The following USP24 variants were observed in gnomAD, a reference collection of about 807,000 sequenced individuals.
USP24 encodes ubiquitin specific peptidase 24.
In USP24, 97 loss-of-function variants were observed where a neutral mutation model predicts 361.6. The ratio of observed to expected loss-of-function variants is 0.27; its 90% CI spans 0.23 to 0.32. The LOEUF (loss-of-function observed/expected upper bound fraction) is 0.32. Ranked by LOEUF, USP24 falls within the 10% of genes least tolerant of loss-of-function variation. USP24 has a pLI of 1.00. For missense variants in USP24, 2,353 were observed against 3,165.6 expected (o/e 0.74, Z 6.16); for synonymous variants, 1,098 against 1,124.6 (o/e 0.98, Z 0.47).
chr1:55,130,599 C>T (rs1455070848), intron 31 of USP24, among the ~76,000 whole-genome samples: 1 of 152,176 alleles, frequency 6.6e-6, no homozygotes, highest in Non-Finnish European at 1.5e-5. Flanking sequence ...TCCTAGGTTG[C>T]TCTGGAGAAA....
chr1:55,178,963 A>G (rs915488294), intron 1 of USP24, among the ~76,000 whole-genome samples: 1 of 152,158 alleles, frequency 6.6e-6, no homozygotes, highest in Non-Finnish European at 1.5e-5. Context: ...TCCTGTCTTC[A>G]CATTTCTTTT....
chr1:55,097,810 C>T, intron 47 of USP24, 93 bp from the exon 48 acceptor site: 1 of 1,501,264 alleles, frequency 6.7e-7, no homozygotes, highest in Admixed American at 2.5e-5. Context: ...CCTTTCTGAT[C>T]CATGTGAAAA....
intron 1 of USP24, among the ~76,000 whole-genome samples, chr1:55,196,214 A>G (rs1644413117): frequency 6.6e-6 from 1 of 152,050 alleles, no homozygotes; most frequent in African/African-American, 2.4e-5. Context: ...GCCACTCCTC[A>G]GTCTCCTTTG....
intron 8 of USP24, among the ~76,000 whole-genome samples, chr1:55,161,832 G>C (rs1288325570): frequency 5.9e-5 from 9 of 152,166 alleles, no homozygotes; most frequent in Non-Finnish European, 1.3e-4. Flanking sequence ...AGTGAGCCTA[G>C]CCGATTTAAT....
At position 55,071,829 on chromosome 1, in the gene USP24, G is replaced by A. The variant is rs368646161; in HGVS notation, c.7785C>T (p.Asp2595=). 2.5e-6 allele frequency: 4 copies of A among 1,612,870 alleles called. No individual in the cohort carries two copies. The East Asian group carries it at 8.9e-5, about 36-fold the overall frequency. ...ACCGTTATACCTGCTGTAGATGCCTGTCTCCGTTCTCATTGGCAGGACTAC... is the reference window on the plus strand; with the variant it reads ...ACCGTTATACCTGCTGTAGATGCCTATCTCCGTTCTCATTGGCAGGACTAC... The part of the protein sequence containing the change: ...SESSPANENG[D]RHLQQGSESP... The change falls in exon 67 of 68, where the codon GAC becomes GAT. Residue 2595 remains aspartate, a synonymous_variant. Transcript: ENST00000294383.
At chr1:55,212,489 G>C (rs1375803043) in intron 1 of USP24, among the ~76,000 whole-genome samples, 3 of 152,138 alleles carry the variant, frequency 2.0e-5, no homozygotes, top group Non-Finnish European at 2.9e-5. Flanking sequence ...TAAATAAACT[G>C]TATAACGCAC....
rs1360288112 is a variant in USP24, at chr1:55,100,917, C to T, written c.5193G>A (p.Val1731=). Reference sequence around the variant, plus strand: ...CAAAGAGAGACTGCACTTGGTAAAACACGCTATCATCTGGATTGTCTGTGT... The same window carrying T: ...CAAAGAGAGACTGCACTTGGTAAAATACGCTATCATCTGGATTGTCTGTGT... ...DDDTDNPDDS[V]FYQVQSLFGH... The change falls in exon 44 of 68, where the codon GTG becomes GTA. Residue 1731 remains valine (V), a synonymous_variant. Transcript: ENST00000294383. 1.2e-6 allele frequency: 2 copies of T among 1,613,532 alleles called. No individual in the cohort carries two copies. Among genetic ancestry groups the T allele is most frequent in the African/African-American group, 1.3e-5 (1 of 74,914 alleles).
In USP24 at chr1:55,169,558, A is replaced by T. The variant is rs537987105; in HGVS notation, c.825+1998T>A. Among the ~76,000 whole-genome samples the T allele has an allele frequency of 3.7e-4, 57 of 152,298 alleles. 1 individual carries two copies. The highest frequency in any genetic ancestry group is 1.3e-3 in the African/African-American group (55 of 41,580). On this transcript the variant is annotated intron_variant, in intron 5 of 67. Coordinates refer to ENST00000294383, the MANE Select transcript of USP24 (RefSeq NM_015306.3). The stretch of plus-strand genomic sequence containing the variant: ...TACAAACATTAAAGAGAAAGAAAAG[A>T]TTTCAAAATACAGCCATGGAGGAGA...
intron 30 of USP24, 91 bp from the exon 31 acceptor site, chr1:55,132,791 C>G (rs1356071309): frequency 1.2e-5 from 15 of 1,298,216 alleles, no homozygotes; most frequent in Non-Finnish European, 1.3e-5. Flanking sequence ...TATTCTTTCC[C>G]TCTTTAATAT....
At chr1:55,126,807 A>G (rs1570475384) in intron 32 of USP24, among the ~76,000 whole-genome samples, 1 of 150,898 alleles carries the variant, frequency 6.6e-6, no homozygotes, top group South Asian at 2.1e-4. Context: ...TCTGTGCCAG[A>G]CCTCCCCTCA....
In USP24 at chr1:55,118,132, T is replaced by C. The variant is rs1030238238; in HGVS notation, c.4508+2464A>G. 2.6e-5 allele frequency among the ~76,000 whole-genome samples: 4 copies of C among 152,184 alleles called. No individual in the cohort carries two copies. The East Asian group carries it at 5.8e-4, about 22-fold the overall frequency. ...TTTGCAAAAATAGAAAAACCCATTC[T>C]AAAATTCACATGGACTCTCCAAGTA... On this transcript the variant is annotated intron_variant, in intron 38 of 67. Coordinates refer to ENST00000294383, the MANE Select transcript of USP24 (RefSeq NM_015306.3).
At position 55,176,381 on chromosome 1, in the gene USP24, T is replaced by C; in HGVS notation, c.553A>G (p.Lys185Glu). The C allele has an allele frequency of 1.9e-6, 3 of 1,568,284 alleles. No individual in the cohort carries two copies. In the South Asian group the frequency reaches 3.5e-5, roughly 18 times the overall value. The change falls in exon 3 of 68, where the codon AAA (lysine) becomes GAA (glutamate). Residue 185 changes from lysine to glutamate, a missense_variant. Physicochemically the swap from Lys to Glu is moderately conservative, Grantham distance 56 (BLOSUM62 1). Coordinates refer to ENST00000294383, the MANE Select transcript of USP24 (RefSeq NM_015306.3). The stretch of plus-strand genomic sequence containing the variant: ...CAGCAGCACATTTTTCTTACCTTTT[T>C]AAATGCTTCAGGCATACACCTGTCC... ...FMDRCMPEAF[K>E]KLLTSSAVHK...
At chr1:55,124,684 C>G in intron 34 of USP24, 56 bp from the exon 35 acceptor site, 1 of 1,585,932 alleles carries the variant, frequency 6.3e-7, no homozygotes, top group Non-Finnish European at 8.6e-7. Context: ...CATGCCCTGA[C>G]ATGTACAACC....
At chr1:55,128,537 T>A (rs1298300684) in intron 32 of USP24, among the ~76,000 whole-genome samples, 1 of 152,010 alleles carries the variant, frequency 6.6e-6, no homozygotes, top group African/African-American at 2.4e-5. Flanking sequence ...GCCCCTTCCC[T>A]CCTTATTTAC....
Position 55,194,568 on chromosome 1 carries a change from C to G in USP24, c.325-16436G>C, listed in dbSNP as rs558064282. Among the ~76,000 whole-genome samples the G allele has an allele frequency of 1.5e-3, 235 of 152,094 alleles. 1 individual carries two copies. The highest frequency in any genetic ancestry group is 5.4e-3 in the African/African-American group (226 of 41,486). On this transcript the variant is annotated intron_variant, in intron 1 of 67. Transcript: ENST00000294383. ...AGTGAGCCGTGTTCATGCCACTGTA[C>G]TCCAGGCTGGGCGACAGAGGGAGAC...
At chr1:55,103,169 C>T (rs1221347705) in intron 42 of USP24, among the ~76,000 whole-genome samples, 1 of 152,220 alleles carries the variant, frequency 6.6e-6, no homozygotes, top group Non-Finnish European at 1.5e-5. Flanking sequence ...CATGTCTCCA[C>T]AGCTGTGTTC....
At chr1:55,188,964 CAAAAAAAAAAAAAAAA>C (rs533085761) in intron 1 of USP24, among the ~76,000 whole-genome samples, 6 of 74,418 alleles carry the variant, frequency 8.1e-5, no homozygotes, top group African/African-American at 1.4e-4. Context: ...AACTCCATCT[CAAAAAAAAAAAAAAAA>C]AAAAAAAAAA....
chr1:55,121,582 T>G, intron 36 of USP24, 76 bp from the exon 37 acceptor site: 3 of 1,233,424 alleles, frequency 2.4e-6, no homozygotes, highest in Non-Finnish European at 3.5e-6. Flanking sequence ...ATTAATTTCT[T>G]AAGCTCAACT....
chr1:55,067,029 T>A lies in USP24; in HGVS notation c.*2016A>T, dbSNP rs1394857169. 2.0e-5 allele frequency: 3 copies of A among 152,246 alleles called. No homozygotes were observed. Among genetic ancestry groups the A allele is most frequent in the Non-Finnish European group, 4.4e-5 (3 of 68,024 alleles). 9.4% of individuals were successfully genotyped at this position (152,246 alleles called of 1,614,324 possible). ...TGCAGCAACAATATAAGCAACATGA[T>A]CTGAAGCGTATAATATACACGGTGG... On this transcript the variant is annotated 3_prime_UTR_variant, in exon 68 of 68. Transcript: ENST00000294383.
Sources: gnomAD v4.1 joint callset for allele counts (sites outside exome capture counted in the v4.1 genomes callset) on GRCh38, gnomAD v4.1.1 for gene constraint, MANE v1.5 for transcripts, NCBI Gene and HGNC (gene_info 2026-07-23, HGNC 2026-07-21) for gene names.